The following MAGI2 variants were observed in gnomAD, a reference collection of about 807,000 sequenced individuals.
MAGI2 encodes membrane-associated guanylate kinase, WW and PDZ domain-containing protein 2.
MAGI2 carries 35 observed loss-of-function variants against 133.3 expected under a neutral mutation model. The observed-to-expected ratio is 0.26, with a 90% confidence interval of 0.20 to 0.35. The LOEUF (loss-of-function observed/expected upper bound fraction) is 0.35. Among genes scored for constraint, MAGI2 ranks in the 10% least tolerant of loss-of-function variants. The pLI is 1.00. For synonymous variants in MAGI2, 729 were observed against 710.6 expected (o/e 1.03, Z -0.41); for missense variants, 1,636 against 1,863.4 (o/e 0.88, Z 2.25).
chr7:78,988,395 A>G (rs1805461771), intron 2 of MAGI2, among the ~76,000 whole-genome samples: 1 of 152,094 alleles, frequency 6.6e-6, no homozygotes, highest in Non-Finnish European at 1.5e-5. Context: ...AGGTGAGCTA[A>G]ATTTTCACCA....
At position 79,006,809 on chromosome 7, in the gene MAGI2, G is replaced by A. The variant is rs1317068860; in HGVS notation, c.418+281C>T. 1.8e-5 allele frequency: 5 copies of A among 282,744 alleles called. No homozygotes were observed. The East Asian group carries it at 3.4e-4, about 19-fold the overall frequency. The allele number at this position is 282,744 out of a possible 1,614,324, so 17.5% of individuals were successfully genotyped here. A position where few individuals can be genotyped will look rare whatever the true frequency, so the allele number is the denominator to read the frequency against. ...CATAATTCATTCGGAATCACCAACA[G>A]TCTGGACTAGAATCAATATTTCTCA... On this transcript the variant is annotated intron_variant, in intron 2 of 21. Coordinates refer to ENST00000354212, the MANE Select transcript of MAGI2 (RefSeq NM_012301.4).
At chr7:78,097,626 T>C (rs1369835290) in intron 20 of MAGI2, among the ~76,000 whole-genome samples, 2 of 151,960 alleles carry the variant, frequency 1.3e-5, no homozygotes, top group African/African-American at 4.8e-5. Context: ...AACTCATGAA[T>C]ACAAATAAGG....
At chr7:78,754,445 C>T (rs919791657) in intron 2 of MAGI2, among the ~76,000 whole-genome samples, 1 of 151,874 alleles carries the variant, frequency 6.6e-6, no homozygotes, top group African/African-American at 2.4e-5. Context: ...TATTAATAAG[C>T]CCAAGTAAAA....
At chr7:78,461,330 T>G (rs912318995) in intron 6 of MAGI2, among the ~76,000 whole-genome samples, 1 of 151,730 alleles carries the variant, frequency 6.6e-6, no homozygotes, top group African/African-American at 2.4e-5. Context: ...GTAATTTAAG[T>G]GTATAAGTAA....
intron 1 of MAGI2, among the ~76,000 whole-genome samples, chr7:79,183,980 G>T (rs1826845111): frequency 6.6e-6 from 1 of 151,434 alleles, no homozygotes; most frequent in Admixed American, 6.6e-5. Flanking sequence ...ACCAGAGTAT[G>T]GGGGGAGATG....
intron 1 of MAGI2, among the ~76,000 whole-genome samples, chr7:79,246,797 G>A (rs1386362349): frequency 2.0e-5 from 3 of 152,064 alleles, no homozygotes; most frequent in Non-Finnish European, 2.9e-5. Flanking sequence ...TTAAGTACAA[G>A]AAAGTTATAG....
intron 1 of MAGI2, among the ~76,000 whole-genome samples, chr7:79,065,501 T>C (rs534410540): frequency 2.6e-5 from 4 of 152,140 alleles, no homozygotes; most frequent in Non-Finnish European, 4.4e-5. Flanking sequence ...TGTGTTTTAA[T>C]ATTATTTTTA....
chr7:78,168,100 A>G lies in MAGI2; in HGVS notation c.2412T>C (p.Ile804=). 6.2e-7 allele frequency: 1 copy of G among 1,613,582 alleles called. No homozygotes were observed. The highest frequency in any genetic ancestry group is 8.5e-7 in the Non-Finnish European group (1 of 1,179,768). Residue 804 remains isoleucine (I), a synonymous_variant, in exon 15 of 22, where the codon ATT becomes ATC. Transcript: ENST00000354212. ...GGDEPGQPIL[I]GAVIAMGSAD... Reference sequence around the variant, plus strand: ...CTGAGCCCATGGCAATGACAGCTCCAATCAAAATCTAGAGAAGCAGTGAGA... The same window carrying G: ...CTGAGCCCATGGCAATGACAGCTCCGATCAAAATCTAGAGAAGCAGTGAGA...
At chr7:78,581,030 T>A (rs575166945) in intron 3 of MAGI2, among the ~76,000 whole-genome samples, 1 of 152,264 alleles carries the variant, frequency 6.6e-6, no homozygotes, top group Non-Finnish European at 1.5e-5. Flanking sequence ...TGATGGTGAG[T>A]GACTAGGGAT....
At chr7:79,299,686 C>T (rs1001607036) in intron 1 of MAGI2, among the ~76,000 whole-genome samples, 18 of 150,476 alleles carry the variant, frequency 1.2e-4, no homozygotes, top group African/African-American at 3.4e-4. Context: ...ACACAAAAAA[C>T]GATAATTGAT....
At chr7:78,144,540 C>T (rs892927224) in intron 16 of MAGI2, among the ~76,000 whole-genome samples, 10 of 152,116 alleles carry the variant, frequency 6.6e-5, no homozygotes, top group Admixed American at 3.9e-4. Context: ...TTCCTTCTTT[C>T]GCCACTTCTA....
At chr7:78,855,101 A>C (rs1050227513) in intron 2 of MAGI2, among the ~76,000 whole-genome samples, 2 of 152,016 alleles carry the variant, frequency 1.3e-5, no homozygotes, top group Admixed American at 6.6e-5. Context: ...CTTTTACTTA[A>C]AAAATATTTT....
chr7:78,707,303 T>C (rs1022749117), intron 2 of MAGI2, among the ~76,000 whole-genome samples: 2 of 152,176 alleles, frequency 1.3e-5, no homozygotes, highest in African/African-American at 2.4e-5. Flanking sequence ...ACTGAGGTTT[T>C]CTAAAATTTA....
At chr7:79,327,991 A>T (rs1037369802) in intron 1 of MAGI2, among the ~76,000 whole-genome samples, 21 of 152,174 alleles carry the variant, frequency 1.4e-4, no homozygotes, top group Non-Finnish European at 2.8e-4. Context: ...AAATTTCAAT[A>T]TATATCATAA....
chr7:78,844,517 A>C (rs761070258), intron 2 of MAGI2, among the ~76,000 whole-genome samples: 11 of 151,982 alleles, frequency 7.2e-5, no homozygotes, highest in Non-Finnish European at 1.2e-4. Flanking sequence ...ATGCTACAAC[A>C]TGGATGAACC....
chr7:78,083,324 A>C (rs1816192297), intron 20 of MAGI2, among the ~76,000 whole-genome samples: 1 of 128,542 alleles, frequency 7.8e-6, no homozygotes, highest in African/African-American at 2.9e-5. Context: ...ATCGAGTTCC[A>C]GTTGAGAGGG....
intron 1 of MAGI2, among the ~76,000 whole-genome samples, chr7:79,366,543 C>T (rs1456641597): frequency 6.6e-6 from 1 of 152,014 alleles, no homozygotes; most frequent in Non-Finnish European, 1.5e-5. Flanking sequence ...ACACAAATAA[C>T]CTCACATAAA....
At chr7:79,323,707 G>T (rs1334502624) in intron 1 of MAGI2, among the ~76,000 whole-genome samples, 1 of 152,160 alleles carries the variant, frequency 6.6e-6, no homozygotes, top group African/African-American at 2.4e-5. Flanking sequence ...TAGGAAAAAG[G>T]GGTTAGAAGT....
intron 1 of MAGI2, among the ~76,000 whole-genome samples, chr7:79,031,895 A>T (rs1249720843): frequency 6.6e-6 from 1 of 152,166 alleles, no homozygotes; most frequent in African/African-American, 2.4e-5. Context: ...ACAATCATCA[A>T]ATAGAAAATA....
Sources: gnomAD v4.1 joint callset for allele counts (sites outside exome capture counted in the v4.1 genomes callset) on GRCh38, gnomAD v4.1.1 for gene constraint, MANE v1.5 for transcripts, NCBI Gene and HGNC (gene_info 2026-07-23, HGNC 2026-07-21) for gene names.